Variants in PTPN3 observed in about 807,000 individuals in gnomAD.
PTPN3 encodes tyrosine-protein phosphatase non-receptor type 3.
Under a neutral mutation model 132.7 loss-of-function variants are expected in PTPN3, and 96 were observed. The observed-to-expected ratio is 0.72, with a 90% confidence interval of 0.61 to 0.86. PTPN3 has a LOEUF of 0.86. Ranked by LOEUF, PTPN3 falls within the 40% of genes least tolerant of loss-of-function variation. The probability of loss-of-function intolerance (pLI) is 0.00; values close to 1 mark genes in which losing one functional copy is unlikely to be tolerated. For synonymous variants in PTPN3, 398 were observed against 429.0 expected, an observed-to-expected ratio of 0.93 and a Z score of 0.89; for missense variants, 1,125 against 1,159.6, an observed-to-expected ratio of 0.97 and a Z score of 0.43.
At chr9:109,398,551 G>T (rs1415658223) in intron 19 of PTPN3, among the ~76,000 whole-genome samples, 1 of 152,110 alleles carries the variant, frequency 6.6e-6, no homozygotes, top group African/African-American at 2.4e-5. Context: ...GGAGGGGCCG[G>T]GTATCTGAGT....
chr9:109,516,327 A>C, the PTPN3 span, among the ~76,000 whole-genome samples: 2 of 152,234 alleles, frequency 1.3e-5, no homozygotes, highest in Non-Finnish European at 2.9e-5. Context: ...TGAGATAAAA[A>C]TTAAAGAAGT....
At chr9:109,458,671 T>A (rs1845682250) in intron 2 of PTPN3, among the ~76,000 whole-genome samples, 1 of 152,098 alleles carries the variant, frequency 6.6e-6, no homozygotes, top group South Asian at 2.1e-4. Context: ...ATGCCCCCTT[T>A]CCTGCCCAAC....
At chr9:109,461,358 G>T (rs1481547854) in intron 2 of PTPN3, among the ~76,000 whole-genome samples, 1 of 152,126 alleles carries the variant, frequency 6.6e-6, no homozygotes, top group Non-Finnish European at 1.5e-5. Context: ...AACACACATC[G>T]TAGGAGCTTC....
chr9:109,419,115 CAA>C (rs1330523915), intron 14 of PTPN3, among the ~76,000 whole-genome samples: 2 of 152,236 alleles, frequency 1.3e-5, no homozygotes, highest in African/African-American at 4.8e-5. Context: ...CAAGTTGGAA[CAA>C]GAGATAGCAA....
At chr9:109,415,077 ACCATCCATCCATCCATCCATCCATCCAT>A (rs201768060) in intron 14 of PTPN3, among the ~76,000 whole-genome samples, 1 of 125,074 alleles carries the variant, frequency 8.0e-6, no homozygotes, top group African/African-American at 3.2e-5. Context: ...CGTCCATCCA[ACCATCCATCCATCCATCCATCCATCCAT>A]CCATCCATCC....
At chr9:109,477,791 A>G (rs1338566393) in intron 1 of PTPN3, among the ~76,000 whole-genome samples, 1 of 152,180 alleles carries the variant, frequency 6.6e-6, no homozygotes, top group Non-Finnish European at 1.5e-5. Context: ...CCCTGGCCCC[A>G]GTCAGTCTCT....
At chr9:109,453,845 TAAAAAAA>T (rs11353536) in intron 5 of PTPN3, among the ~76,000 whole-genome samples, 4 of 135,690 alleles carry the variant, frequency 2.9e-5, no homozygotes, top group Non-Finnish European at 6.3e-5. Context: ...CCATCTCCGT[TAAAAAAA>T]AAAAAAAAAA....
the PTPN3 span, among the ~76,000 whole-genome samples, chr9:109,504,934 C>A: frequency 4.6e-5 from 7 of 152,164 alleles, no homozygotes; most frequent in African/African-American, 2.4e-5. Flanking sequence ...ATGGGTTTGT[C>A]AGAAGTCTCT....
chr9:109,451,160 G>A (rs1347094816), intron 5 of PTPN3: 1 of 957,536 alleles, frequency 1.0e-6, no homozygotes, highest in Admixed American at 6.2e-5. Flanking sequence ...AGGAGGCTGA[G>A]GGAGGATCCT....
chr9:109,404,396 G>C (rs1841386293), intron 19 of PTPN3, 52 bp downstream of exon 19: 1 of 1,269,678 alleles, frequency 7.9e-7, no homozygotes, highest in African/African-American at 1.5e-5. Flanking sequence ...CAGAGGCAGG[G>C]GCAGCCCAAT....
chr9:109,438,348 G>A, intron 7 of PTPN3, 114 bp from the exon 8 acceptor site: 1 of 1,198,282 alleles, frequency 8.3e-7, no homozygotes, highest in Non-Finnish European at 1.2e-6. Flanking sequence ...ATACTCTTCT[G>A]GTAAGTTCTA....
chr9:109,457,269 CA>C, intron 3 of PTPN3, 22 bp downstream of exon 3: 1 of 1,612,532 alleles, frequency 6.2e-7, no homozygotes, highest in Non-Finnish European at 8.5e-7. Flanking sequence ...GAGTTCAGCA[CA>C]TTTTTTAAAA....
intron 1 of PTPN3, among the ~76,000 whole-genome samples, chr9:109,471,519 C>G (rs1481336049): frequency 6.6e-6 from 1 of 152,168 alleles, no homozygotes; most frequent in Admixed American, 6.5e-5. Context: ...GTACAATTAT[C>G]ACACTGAAGA....
At chr9:109,527,390 C>T in the PTPN3 span, among the ~76,000 whole-genome samples, 1 of 151,926 alleles carries the variant, frequency 6.6e-6, no homozygotes, top group Non-Finnish European at 1.5e-5. Flanking sequence ...GAGCCAGGGG[C>T]GGGGAGGTTG....
At chr9:109,537,193 C>T in the PTPN3 span, among the ~76,000 whole-genome samples, 1 of 152,048 alleles carries the variant, frequency 6.6e-6, no homozygotes, top group Non-Finnish European at 1.5e-5. Context: ...AGTATTTTTC[C>T]AAGTAATAGA....
intron 5 of PTPN3, chr9:109,451,524 C>G: frequency 1.8e-6 from 1 of 549,642 alleles, no homozygotes; most frequent in Non-Finnish European, 2.3e-6. Context: ...TTCTACGACC[C>G]TGCACATCTA....
the PTPN3 span, among the ~76,000 whole-genome samples, chr9:109,507,488 C>G: frequency 1.2e-4 from 19 of 152,380 alleles, no homozygotes; most frequent in Admixed American, 6.5e-4. Flanking sequence ...GCCCAGTGAT[C>G]TGGTGCTTCT....
At chr9:109,434,732 C>T (rs1843906505) in intron 9 of PTPN3, among the ~76,000 whole-genome samples, 1 of 152,118 alleles carries the variant, frequency 6.6e-6, no homozygotes, top group Non-Finnish European at 1.5e-5. Context: ...TCTTCTTGTA[C>T]AATAAAGATG....
intron 1 of PTPN3, among the ~76,000 whole-genome samples, chr9:109,480,901 T>C (rs944264380): frequency 1.3e-5 from 2 of 151,910 alleles, no homozygotes; most frequent in Non-Finnish European, 2.9e-5. Flanking sequence ...GATGAATGGA[T>C]GGATGGATGG....
Sources: allele counts gnomAD v4.1 joint callset (sites outside exome capture counted in the v4.1 genomes callset), GRCh38; gene constraint gnomAD v4.1.1; transcripts MANE v1.5; gene names NCBI Gene and HGNC (gene_info 2026-07-23, HGNC 2026-07-21).